The following MYPN variants were observed in gnomAD, a reference collection of about 807,000 sequenced individuals.
The protein encoded by MYPN is myopalladin, also known as sarcomeric protein myopalladin, 145 kDa (MYOP).
MYPN carries 63 observed loss-of-function variants against 129.4 expected under a neutral mutation model. The observed-to-expected ratio is 0.49, with a 90% confidence interval of 0.40 to 0.60. MYPN has a LOEUF of 0.60. Ranked by LOEUF, MYPN falls within the 20% of genes least tolerant of loss-of-function variation. The pLI is 0.00. For synonymous variants in MYPN, 629 were observed against 600.9 expected, an observed-to-expected ratio of 1.05 and a Z score of -0.68; for missense variants, 1,596 against 1,635.4, an observed-to-expected ratio of 0.98 and a Z score of 0.42.
rs768904251 is a variant in MYPN, at chr10:68,121,544, G to C, written c.106G>C (p.Glu36Gln). 35 of 1,614,074 alleles carry C rather than the reference G, an allele frequency of 2.2e-5. No homozygotes were observed. The highest frequency in any genetic ancestry group is 2.8e-5 in the Non-Finnish European group (33 of 1,180,038). The change falls in exon 2 of 20, where the codon GAG (glutamate) becomes CAG (glutamine). Residue 36 changes from glutamate (E) to glutamine (Q), a missense_variant. By Grantham distance (29) the Glu-to-Gln change is conservative. Transcript: ENST00000358913. ...GGGAAACAATGAGAGGAGTCGAGCGGAGCCCTCCTCCAACCCTTGCCATTT... is the reference window on the plus strand; with the variant it reads ...GGGAAACAATGAGAGGAGTCGAGCGCAGCCCTCCTCCAACCCTTGCCATTT... ...HRGNNERSRA[E>Q]PSSNPCHFGS...
intron 9 of MYPN, 101 bp downstream of exon 9, chr10:68,165,919 C>T (rs2043046157): frequency 9.8e-7 from 1 of 1,024,394 alleles, no homozygotes; most frequent in South Asian, 1.3e-5. Flanking sequence ...ACAAAGCTGG[C>T]TTGGCTCTTC....
intron 12 of MYPN, among the ~76,000 whole-genome samples, chr10:68,177,007 T>C (rs148671707): frequency 1.3e-5 from 2 of 152,376 alleles, no homozygotes; most frequent in African/African-American, 4.8e-5. Context: ...TCAGCCTATG[T>C]CTTTTACAAC....
intron 1 of MYPN, among the ~76,000 whole-genome samples, chr10:68,091,390 G>GT (rs1330307109): frequency 7.8e-6 from 1 of 128,628 alleles, no homozygotes; most frequent in African/African-American, 3.1e-5. Context: ...CTAGACTACA[G>GT]CCCTTTTTTT....
At chr10:68,138,738 C>T (rs777267459) in intron 2 of MYPN, among the ~76,000 whole-genome samples, 1 of 152,084 alleles carries the variant, frequency 6.6e-6, no homozygotes, top group Non-Finnish European at 1.5e-5. Context: ...GGGTTAGCAC[C>T]CTTTAAACTA....
chr10:68,130,984 C>T (rs534779587), intron 2 of MYPN, among the ~76,000 whole-genome samples: 134 of 152,288 alleles, frequency 8.8e-4, no homozygotes, highest in African/African-American at 2.4e-3. Context: ...ATTTATCTCG[C>T]TATAATAGGC....
At chr10:68,148,852 T>C (rs368915295) in intron 5 of MYPN, among the ~76,000 whole-genome samples, 10 of 152,302 alleles carry the variant, frequency 6.6e-5, no homozygotes, top group Admixed American at 2.6e-4. Context: ...AAGCATGTAG[T>C]TATTTTTTAG....
At chr10:68,112,376 T>G (rs1265650750) in intron 1 of MYPN, among the ~76,000 whole-genome samples, 1 of 152,218 alleles carries the variant, frequency 6.6e-6, no homozygotes, top group East Asian at 1.9e-4. Flanking sequence ...ATAATACGCT[T>G]CGTAGGAGCC....
chr10:68,196,386 C>T (rs1256316116), intron 15 of MYPN, among the ~76,000 whole-genome samples: 1 of 151,916 alleles, frequency 6.6e-6, no homozygotes. Context: ...TAGCTGCTGA[C>T]ACAGACGAAT....
chr10:68,203,720 C>CAG (rs371058853), intron 18 of MYPN, among the ~76,000 whole-genome samples: 8,743 of 115,622 alleles, frequency 0.076, 721 homozygotes, highest in African/African-American at 0.21. Flanking sequence ...CATACACACA[C>CAG]AGAGAGAGAG....
chr10:68,165,851 C>T, intron 9 of MYPN, 33 bp downstream of exon 9: 1 of 1,541,646 alleles, frequency 6.5e-7, no homozygotes, highest in African/African-American at 1.4e-5. Flanking sequence ...ACAGTTTAGC[C>T]TATGACTTTG....
rs570432597 is a variant in MYPN at position 68,190,239 on chromosome 10, T to G, written c.2925+1113T>G. Among the ~76,000 whole-genome samples the G allele has an allele frequency of 1.4e-4, 21 of 152,192 alleles. No individual in the cohort carries two copies. The South Asian group carries it at 2.7e-3, about 20-fold the overall frequency. On this transcript the variant is annotated intron_variant, in intron 13 of 19. Coordinates refer to ENST00000358913, the MANE Select transcript of MYPN (RefSeq NM_032578.4). Reference sequence around the variant, plus strand: ...TCTCACTCTGTCGCCCAGGCTGGAGTGTGGTGGCACAGTCTTGGCTCACTG... The same window carrying G: ...TCTCACTCTGTCGCCCAGGCTGGAGGGTGGTGGCACAGTCTTGGCTCACTG...
At chr10:68,096,696 G>C (rs1249870017) in intron 1 of MYPN, among the ~76,000 whole-genome samples, 1 of 152,212 alleles carries the variant, frequency 6.6e-6, no homozygotes. Flanking sequence ...TAGAAGAACT[G>C]AATCTGCTTT....
chr10:68,090,611 T>C (rs1422024049), intron 1 of MYPN, among the ~76,000 whole-genome samples: 1 of 152,216 alleles, frequency 6.6e-6, no homozygotes, highest in Non-Finnish European at 1.5e-5. Context: ...GTTTGAACTA[T>C]CAATTATAAT....
chr10:68,135,690 G>C (rs964275049), intron 2 of MYPN, among the ~76,000 whole-genome samples: 6 of 152,166 alleles, frequency 3.9e-5, no homozygotes, highest in African/African-American at 1.4e-4. Flanking sequence ...AATGACCCTA[G>C]TTGAGTTATT....
At position 68,210,345 on chromosome 10, in the gene MYPN, G is replaced by A. The variant is rs750277122; in HGVS notation, c.3853G>A (p.Gly1285Arg). The A allele has an allele frequency of 8.1e-6, 13 of 1,613,926 alleles. No individual in the cohort carries two copies. The Middle Eastern group carries it at 6.6e-4, about 82-fold the overall frequency. ...TGTCCGGCCCAGTGGCAGTCGCTAC[G>A]GATCTCTCACCAGTAAAGGACTTGA... is the stretch of plus-strand genomic sequence containing the variant. ...MSVRPSGSRY[G>R]SLTSKGLDIF... Residue 1285 changes from glycine (G) to arginine (R), a missense_variant, in exon 20 of 20, where the codon GGA becomes AGA. Gly to Arg is a moderately radical substitution (Grantham distance 125). Coordinates refer to ENST00000358913, the MANE Select transcript of MYPN (RefSeq NM_032578.4).
chr10:68,192,050 T>C (rs2043522146), intron 13 of MYPN, among the ~76,000 whole-genome samples: 1 of 152,198 alleles, frequency 6.6e-6, no homozygotes. Flanking sequence ...CAGATAAAAG[T>C]GGTAAAAGTG....
At chr10:68,139,083 C>T (rs575114716) in intron 2 of MYPN, among the ~76,000 whole-genome samples, 1 of 152,290 alleles carries the variant, frequency 6.6e-6, no homozygotes, top group East Asian at 1.9e-4. Flanking sequence ...GCCCTTCTTC[C>T]TCCTGCTCCA....
chr10:68,187,985 G>A (rs1157841623), intron 12 of MYPN, among the ~76,000 whole-genome samples: 2 of 152,214 alleles, frequency 1.3e-5, no homozygotes, highest in East Asian at 3.8e-4. Flanking sequence ...AAGTAGGTTA[G>A]CAAGAGAATA....
chr10:68,202,214 C>T lies in MYPN; in HGVS notation c.3659+220C>T, dbSNP rs189182371. Among the ~76,000 whole-genome samples, 1,591 of 152,252 alleles carry T rather than the reference C, an allele frequency of 0.01. 8 individuals carry two copies. Among genetic ancestry groups the T allele is most frequent in the Middle Eastern group, 0.048 (14 of 294 alleles). On this transcript the variant is annotated intron_variant, in intron 18 of 19. Transcript: ENST00000358913. ...TTGGGAGGCCAAGGCGGGTGGATCA[C>T]GAGGTCAGGAGATCGAGGCCATCCT...
Sources: allele counts gnomAD v4.1 joint callset (sites outside exome capture counted in the v4.1 genomes callset), GRCh38; gene constraint gnomAD v4.1.1; transcripts MANE v1.5; gene names NCBI Gene and HGNC (gene_info 2026-07-23, HGNC 2026-07-21).